KCNIP4: variants seen among roughly 807,000 people sequenced by gnomAD.
KCNIP4 encodes Kv channel-interacting protein 4.
In KCNIP4, 12 loss-of-function variants were observed where a neutral mutation model predicts 34.0. That is an observed-to-expected ratio of 0.35 (90% confidence interval 0.23 to 0.57). The LOEUF (loss-of-function observed/expected upper bound fraction) is 0.57, where lower values mean the gene tolerates loss of function less well. Among genes scored for constraint, KCNIP4 ranks in the 20% least tolerant of loss-of-function variants. KCNIP4 has a pLI of 0.83. For missense variants in KCNIP4, 238 were observed against 311.7 expected (o/e 0.76, Z 1.78); for synonymous variants, 124 against 102.2 (o/e 1.21, Z -1.29).
intron 1 of KCNIP4, among the ~76,000 whole-genome samples, chr4:21,302,058 T>G (rs997967710): frequency 3.9e-5 from 6 of 152,218 alleles, no homozygotes; most frequent in Non-Finnish European, 7.3e-5. Context: ...TAGTGCATTC[T>G]CTCCATAGTA....
chr4:21,075,968 C>G (rs924851971), intron 1 of KCNIP4, among the ~76,000 whole-genome samples: 1 of 152,158 alleles, frequency 6.6e-6, no homozygotes, highest in Non-Finnish European at 1.5e-5. Context: ...TACTGGCCCC[C>G]ACTCTCTTCT....
intron 1 of KCNIP4, among the ~76,000 whole-genome samples, chr4:21,571,561 T>C (rs1485017057): frequency 1.3e-5 from 2 of 152,208 alleles, no homozygotes. Context: ...CAAGGTATTA[T>C]GCAAGTGTTA....
chr4:20,772,477 T>C (rs1482350110), intron 3 of KCNIP4, among the ~76,000 whole-genome samples: 1 of 152,070 alleles, frequency 6.6e-6, no homozygotes, highest in African/African-American at 2.4e-5. Context: ...ACTTGAATTG[T>C]TTTTTACAAA....
intron 1 of KCNIP4, among the ~76,000 whole-genome samples, chr4:21,710,532 G>A (rs1713643507): frequency 6.6e-6 from 1 of 152,186 alleles, no homozygotes. Flanking sequence ...TGCAGAAGAT[G>A]TTGTACTAAA....
At chr4:21,778,216 CT>C (rs141204358) in intron 1 of KCNIP4, among the ~76,000 whole-genome samples, 12,235 of 134,852 alleles carry the variant, frequency 0.091, 2,010 homozygotes, top group African/African-American at 0.33. Context: ...TTTCTTTTTC[CT>C]TTTTTCCTTT....
rs1718997659 is a variant in KCNIP4 at position 21,359,465 on chromosome 4, G to GATAGGATTCTGTA, written c.62-476757_62-476756insTACAGAATCCTAT. Reference sequence around the variant, plus strand: ...ATATTCTCTAGAGAATCCTAATACAGTGGCCCATGCTATCAGGCATCATAA... The same window carrying GATAGGATTCTGTA: ...ATATTCTCTAGAGAATCCTAATACAGATAGGATTCTGTATGGCCCATGCTATCAGGCATCATAA... On this transcript the variant is annotated intron_variant, in intron 1 of 8. Coordinates refer to ENST00000382152, the MANE Select transcript of KCNIP4 (RefSeq NM_025221.6). 8.5e-5 allele frequency among the ~76,000 whole-genome samples: 13 copies of GATAGGATTCTGTA among 152,200 alleles called. No individual in the cohort carries two copies. In the South Asian group the frequency reaches 2.7e-3, roughly 32 times the overall value.
At chr4:21,104,464 G>GTT (rs1748289279) in intron 1 of KCNIP4, among the ~76,000 whole-genome samples, 1 of 151,946 alleles carries the variant, frequency 6.6e-6, no homozygotes, top group Non-Finnish European at 1.5e-5. Flanking sequence ...TTGTAAATTT[G>GTT]TTTAAGTTCT....
intron 1 of KCNIP4, among the ~76,000 whole-genome samples, chr4:21,106,355 T>C (rs2109085432): frequency 6.6e-6 from 1 of 151,918 alleles, no homozygotes; most frequent in Admixed American, 6.5e-5. Context: ...AATTTATCCA[T>C]TTCTTCTAGA....
intron 1 of KCNIP4, among the ~76,000 whole-genome samples, chr4:21,814,049 C>T (rs1041047140): frequency 4.6e-5 from 7 of 151,988 alleles, no homozygotes; most frequent in Admixed American, 3.3e-4. Flanking sequence ...TCTGTCAAGC[C>T]GGTTTTTTTT....
At chr4:21,167,685 T>A (rs975195062) in intron 1 of KCNIP4, among the ~76,000 whole-genome samples, 6 of 152,344 alleles carry the variant, frequency 3.9e-5, no homozygotes, top group African/African-American at 1.2e-4. Context: ...TATTTAATTA[T>A]ATTTATAAAA....
intron 1 of KCNIP4, among the ~76,000 whole-genome samples, chr4:21,504,721 G>A (rs993714371): frequency 4.6e-5 from 7 of 152,064 alleles, no homozygotes; most frequent in Middle Eastern, 6.8e-3. Flanking sequence ...GTTTCACACG[G>A]GATACTATCA....
intron 1 of KCNIP4, among the ~76,000 whole-genome samples, chr4:21,808,397 A>C (rs1162994159): frequency 6.6e-6 from 1 of 152,136 alleles, no homozygotes; most frequent in African/African-American, 2.4e-5. Flanking sequence ...CTCTATTATG[A>C]TCCACTTCCA....
chr4:20,850,737 G>T, intron 2 of KCNIP4, 70 bp from the exon 3 acceptor site: 1 of 1,534,080 alleles, frequency 6.5e-7, no homozygotes, highest in South Asian at 1.2e-5. Context: ...GAGCAACAAA[G>T]GAAAACGGAA....
intron 1 of KCNIP4, among the ~76,000 whole-genome samples, chr4:21,324,496 G>A (rs1714825796): frequency 6.6e-6 from 1 of 151,930 alleles, no homozygotes; most frequent in Admixed American, 6.6e-5. Context: ...ACCATTTATG[G>A]AAAAGGCTCT....
At chr4:21,052,871 G>A (rs576531759) in intron 1 of KCNIP4, among the ~76,000 whole-genome samples, 1 of 152,088 alleles carries the variant, frequency 6.6e-6, no homozygotes, top group East Asian at 1.9e-4. Flanking sequence ...AAGGGTGTAG[G>A]TTGCTGGTAA....
At chr4:20,937,571 T>C (rs754975763) in intron 1 of KCNIP4, among the ~76,000 whole-genome samples, 2 of 152,086 alleles carry the variant, frequency 1.3e-5, no homozygotes, top group Non-Finnish European at 1.5e-5. Context: ...TATTTGATAC[T>C]GGAAGAAAAA....
At chr4:21,681,539 G>T (rs149561519) in intron 1 of KCNIP4, among the ~76,000 whole-genome samples, 7 of 152,150 alleles carry the variant, frequency 4.6e-5, no homozygotes. Flanking sequence ...GCACTTTTGT[G>T]GTATGGATAT....
chr4:20,930,838 TA>T (rs34828281), intron 1 of KCNIP4, among the ~76,000 whole-genome samples: 85 of 144,206 alleles, frequency 5.9e-4, no homozygotes, highest in East Asian at 3.0e-3. Context: ...ATGGCTATTA[TA>T]AAAAAAAAAA....
intron 1 of KCNIP4, among the ~76,000 whole-genome samples, chr4:21,260,301 T>C (rs1187575842): frequency 6.6e-6 from 1 of 152,180 alleles, no homozygotes; most frequent in Non-Finnish European, 1.5e-5. Context: ...TAGATAAAAA[T>C]TATATCTTTA....
Sources: allele counts gnomAD v4.1 joint callset (sites outside exome capture counted in the v4.1 genomes callset), GRCh38; gene constraint gnomAD v4.1.1; transcripts MANE v1.5; gene names NCBI Gene and HGNC (gene_info 2026-07-23, HGNC 2026-07-21).